TOM1L2: variants seen among roughly 807,000 people sequenced by gnomAD.
TOM1L2 encodes TOM1-like protein 2.
Under a neutral mutation model 67.9 loss-of-function variants are expected in TOM1L2, and 31 were observed. The observed-to-expected ratio is 0.46, with a 90% confidence interval of 0.34 to 0.62. The LOEUF (loss-of-function observed/expected upper bound fraction) is 0.62, where lower values mean the gene tolerates loss of function less well. Among genes scored for constraint, TOM1L2 ranks in the 20% least tolerant of loss-of-function variants. The pLI, the probability that TOM1L2 is intolerant of heterozygous loss-of-function variation, is 0.01. For synonymous variants in TOM1L2, 256 were observed against 254.0 expected, an observed-to-expected ratio of 1.01 and a Z score of -0.07; for missense variants, 606 against 663.5, an observed-to-expected ratio of 0.91 and a Z score of 0.95.
At chr17:17,968,647 G>A (rs1261060618) in intron 1 of TOM1L2, among the ~76,000 whole-genome samples, 43 of 143,418 alleles carry the variant, frequency 3.0e-4, no homozygotes, top group South Asian at 6.9e-4. Flanking sequence ...CCTGGGTGAT[G>A]AAGTGAGACT....
At chr17:17,868,282 C>T (rs901838501) in intron 8 of TOM1L2, among the ~76,000 whole-genome samples, 7 of 152,312 alleles carry the variant, frequency 4.6e-5, no homozygotes, top group Admixed American at 4.6e-4. Context: ...CAGGTGGGCA[C>T]AGAGCCACTG....
In TOM1L2 at chr17:17,893,696, T is replaced by G; in HGVS notation, c.331A>C (p.Thr111Pro). 6.2e-7 allele frequency: 1 copy of G among 1,613,996 alleles called. No individual in the cohort carries two copies. Among genetic ancestry groups the G allele is most frequent in the Non-Finnish European group, 8.5e-7 (1 of 1,179,976 alleles). ...KIISPKNNPP[T>P]IVQDKVLALI... The stretch of plus-strand genomic sequence containing the variant: ...GCAAGCACTTTGTCCTGTACAATGG[T>G]GGGAGGGTTGTTCTTGGGAGATATA... Residue 111 changes from threonine to proline, a missense_variant, in exon 4 of 15, where the codon ACC becomes CCC. Physicochemically the swap from Thr to Pro is conservative, Grantham distance 38. This residue lies in a region of TOM1L2 where 543 missense variants were observed against 554.0 expected (regional missense o/e 0.98). Coordinates refer to ENST00000379504, the MANE Select transcript of TOM1L2 (RefSeq NM_001082968.2).
intron 1 of TOM1L2, among the ~76,000 whole-genome samples, chr17:17,939,105 T>G (rs1196659777): frequency 1.3e-5 from 2 of 152,212 alleles, no homozygotes; most frequent in Non-Finnish European, 2.9e-5. Flanking sequence ...TCTAAGTAAT[T>G]TGTTTCTACC....
intron 7 of TOM1L2, among the ~76,000 whole-genome samples, chr17:17,873,012 C>T (rs1368397012): frequency 6.6e-6 from 1 of 152,232 alleles, no homozygotes; most frequent in South Asian, 2.1e-4. Flanking sequence ...CTAAGGCCCA[C>T]AGGCCATCTT....
rs2038896466 is a variant in TOM1L2, at chr17:17,902,384, T to C, written c.138-3710A>G. Among the ~76,000 whole-genome samples the C allele has an allele frequency of 3.9e-5, 6 of 152,312 alleles. 1 individual carries two copies. In the South Asian group the frequency reaches 1.2e-3, roughly 32 times the overall value. On this transcript the variant is annotated intron_variant, in intron 2 of 14. Transcript: ENST00000379504. The stretch of plus-strand genomic sequence containing the variant: ...ACCCACCAGGACCACAGCCTCCCAT[T>C]GGTAAAGTATTGCACAAATACAAGA...
intron 1 of TOM1L2, among the ~76,000 whole-genome samples, chr17:17,924,742 G>C (rs1232231741): frequency 6.6e-6 from 1 of 152,124 alleles, no homozygotes; most frequent in African/African-American, 2.4e-5. Flanking sequence ...TCCAGCCTGA[G>C]GGACAGAGTG....
chr17:17,901,154 C>A (rs1484204149), intron 2 of TOM1L2, among the ~76,000 whole-genome samples: 1 of 152,126 alleles, frequency 6.6e-6, no homozygotes, highest in East Asian at 1.9e-4. Context: ...GATGGGTGAG[C>A]ACAAAAGCAA....
chr17:17,915,027 A>C (rs1426763165), intron 1 of TOM1L2, among the ~76,000 whole-genome samples: 1 of 152,104 alleles, frequency 6.6e-6, no homozygotes, highest in Non-Finnish European at 1.5e-5. Context: ...TGGATGTGTG[A>C]GTTCTATCTA....
At chr17:17,863,154 C>A in intron 10 of TOM1L2, 1 of 322,316 alleles carries the variant, frequency 3.1e-6, no homozygotes, top group Non-Finnish European at 5.8e-6. Context: ...CCATAATGCC[C>A]TTCTCGCTTG....
intron 1 of TOM1L2, among the ~76,000 whole-genome samples, chr17:17,947,247 C>T (rs2040991807): frequency 6.6e-6 from 1 of 152,076 alleles, no homozygotes; most frequent in African/African-American, 2.4e-5. Context: ...TGGTCTTGAA[C>T]TCCTGGGCTC....
chr17:17,914,953 T>C (rs2039567973), intron 1 of TOM1L2, among the ~76,000 whole-genome samples: 1 of 152,180 alleles, frequency 6.6e-6, no homozygotes, highest in Admixed American at 6.5e-5. Flanking sequence ...GTTGCACAAA[T>C]GTTTTGAGCA....
At chr17:17,879,534 C>T (rs112307196) in intron 7 of TOM1L2, 93 bp downstream of exon 7, 38 of 989,976 alleles carry the variant, frequency 3.8e-5, no homozygotes, top group African/African-American at 2.4e-4. Flanking sequence ...GGACCTGTCC[C>T]GCCTTGCCGC....
At chr17:17,940,131 C>T (rs775306249) in intron 1 of TOM1L2, among the ~76,000 whole-genome samples, 10 of 142,888 alleles carry the variant, frequency 7.0e-5, no homozygotes, top group East Asian at 2.1e-4. Flanking sequence ...AGGCGGAGGT[C>T]GCAGTGAGCT....
chr17:17,930,216 G>A (rs1028806781), intron 1 of TOM1L2, among the ~76,000 whole-genome samples: 1 of 152,180 alleles, frequency 6.6e-6, no homozygotes, highest in East Asian at 1.9e-4. Context: ...TCATTTTACC[G>A]AGTGTTGCCT....
chr17:17,875,193 G>T (rs2037360907), intron 7 of TOM1L2, among the ~76,000 whole-genome samples: 1 of 151,274 alleles, frequency 6.6e-6, no homozygotes, highest in South Asian at 2.1e-4. Context: ...GGAGGCAGAG[G>T]TTCAGTAAGC....
intron 1 of TOM1L2, among the ~76,000 whole-genome samples, chr17:17,970,666 T>C (rs1437150572): frequency 6.6e-6 from 1 of 152,168 alleles, no homozygotes; most frequent in African/African-American, 2.4e-5. Context: ...GGGTCCCTCA[T>C]GCATTATAAA....
intron 12 of TOM1L2, among the ~76,000 whole-genome samples, chr17:17,852,679 A>G (rs981916313): frequency 3.9e-5 from 6 of 152,146 alleles, no homozygotes; most frequent in African/African-American, 1.4e-4. Context: ...CAGCCTGACC[A>G]ACAGGGAGAA....
chr17:17,862,531 G>A (rs1017300263), intron 11 of TOM1L2, 200 bp downstream of exon 11: 11 of 589,386 alleles, frequency 1.9e-5, no homozygotes, highest in East Asian at 1.7e-4. Flanking sequence ...GTGTGTGTGT[G>A]TTTGGGGGGG....
At chr17:17,952,376 C>CTTTTTTTTTTTTTTTTTTTTTTTTT (rs60388742) in intron 1 of TOM1L2, among the ~76,000 whole-genome samples, 1 of 79,920 alleles carries the variant, frequency 1.3e-5, no homozygotes, top group Non-Finnish European at 2.7e-5. Flanking sequence ...TCTTTATTTT[C>CTTTTTTTTTTTTTTTTTTTTTTTTT]TTTTTTTTTT....
Sources: gnomAD v4.1 joint callset for allele counts (sites outside exome capture counted in the v4.1 genomes callset) on GRCh38, gnomAD v4.1.1 for gene constraint, gnomAD v4.1.1 regional missense constraint, MANE v1.5 for transcripts, NCBI Gene and HGNC (gene_info 2026-07-23, HGNC 2026-07-21) for gene names.